Variants in MGAT4C observed in about 807,000 individuals in gnomAD.
The protein encoded by MGAT4C is alpha-1,3-mannosyl-glycoprotein 4-beta-N-acetylglucosaminyltransferase C.
MGAT4C carries 19 observed loss-of-function variants against 40.1 expected under a neutral mutation model. The ratio of observed to expected loss-of-function variants is 0.47; its 90% confidence interval spans 0.33 to 0.70. The LOEUF (loss-of-function observed/expected upper bound fraction) is 0.70, where lower values mean the gene tolerates loss of function less well. Among genes scored for constraint, MGAT4C ranks in the 30% least tolerant of loss-of-function variants. The pLI is 0.02. For synonymous variants in MGAT4C, 181 were observed against 187.1 expected, an observed-to-expected ratio of 0.97 and a Z score of 0.27; for missense variants, 491 against 563.2, an observed-to-expected ratio of 0.87 and a Z score of 1.30.
intron 2 of MGAT4C, among the ~76,000 whole-genome samples, chr12:86,491,568 A>C (rs558540570): frequency 1.6e-3 from 238 of 152,274 alleles, no homozygotes; most frequent in African/African-American, 5.2e-3. Context: ...CAATAGATGC[A>C]GAACAGGCCT....
chr12:86,520,202 C>G (rs975342383), intron 2 of MGAT4C, among the ~76,000 whole-genome samples: 20 of 151,954 alleles, frequency 1.3e-4, no homozygotes, highest in Admixed American at 1.2e-3. Flanking sequence ...TTATTTTTTC[C>G]TGATCCTCTC....
intron 2 of MGAT4C, among the ~76,000 whole-genome samples, chr12:86,635,957 C>T (rs2136512868): frequency 6.6e-6 from 1 of 151,968 alleles, no homozygotes; most frequent in East Asian, 1.9e-4. Flanking sequence ...GCTGAGATTA[C>T]AGGAGTGAGC....
At chr12:86,626,910 T>C (rs1308024249) in intron 2 of MGAT4C, among the ~76,000 whole-genome samples, 1 of 152,126 alleles carries the variant, frequency 6.6e-6, no homozygotes, top group African/African-American at 2.4e-5. Flanking sequence ...CAAAGCAGGG[T>C]GGGTCATCAC....
At chr12:86,222,472 G>C (rs1014423754) in intron 1 of MGAT4C, among the ~76,000 whole-genome samples, 8 of 151,974 alleles carry the variant, frequency 5.3e-5, no homozygotes, top group Non-Finnish European at 7.4e-5. Context: ...TCTCTTATTG[G>C]CATATTGTTT....
At chr12:86,621,402 T>C (rs1962632539) in intron 2 of MGAT4C, among the ~76,000 whole-genome samples, 1 of 152,270 alleles carries the variant, frequency 6.6e-6, no homozygotes, top group Admixed American at 6.5e-5. Context: ...ACTCTATGAG[T>C]GACCACAACT....
chr12:86,489,610 T>C (rs577346770), intron 2 of MGAT4C, among the ~76,000 whole-genome samples: 1 of 152,350 alleles, frequency 6.6e-6, no homozygotes, highest in South Asian at 2.1e-4. Flanking sequence ...TGGATGCTAC[T>C]GTGGGACATG....
At chr12:86,076,936 A>G (rs1198791135) in intron 1 of MGAT4C, among the ~76,000 whole-genome samples, 1 of 152,196 alleles carries the variant, frequency 6.6e-6, no homozygotes, top group Non-Finnish European at 1.5e-5. Context: ...CAATGTTCTA[A>G]GGCAGGAAGC....
intron 1 of MGAT4C, among the ~76,000 whole-genome samples, chr12:86,084,936 G>A (rs1871472943): frequency 1.3e-5 from 2 of 152,074 alleles, no homozygotes; most frequent in Admixed American, 6.6e-5. Context: ...TCACAGTAAC[G>A]AAAATAGTAA....
intron 3 of MGAT4C, among the ~76,000 whole-genome samples, chr12:86,351,908 T>C (rs571970762): frequency 2.2e-4 from 33 of 152,056 alleles, no homozygotes; most frequent in Non-Finnish European, 4.6e-4. Context: ...TAACACAGTT[T>C]AATGTATGAA....
chr12:86,730,916 C>T (rs1306637161), intron 1 of MGAT4C, among the ~76,000 whole-genome samples: 1 of 152,086 alleles, frequency 6.6e-6, no homozygotes, highest in Non-Finnish European at 1.5e-5. Flanking sequence ...TTTATTTAAT[C>T]CTCCACAGCA....
At chr12:86,577,770 TTC>T (rs1311339970) in intron 2 of MGAT4C, among the ~76,000 whole-genome samples, 2 of 151,856 alleles carry the variant, frequency 1.3e-5, no homozygotes, top group Non-Finnish European at 2.9e-5. Context: ...GTCATTTTAT[TTC>T]TTTTTGGGGA....
intron 1 of MGAT4C, among the ~76,000 whole-genome samples, chr12:86,107,251 T>G (rs998258253): frequency 1.3e-5 from 2 of 152,148 alleles, no homozygotes; most frequent in African/African-American, 4.8e-5. Flanking sequence ...TCAAATATAT[T>G]TTAAAATCAA....
intron 1 of MGAT4C, among the ~76,000 whole-genome samples, chr12:86,768,096 A>G (rs1951550401): frequency 6.6e-6 from 1 of 152,208 alleles, no homozygotes; most frequent in African/African-American, 2.4e-5. Context: ...TGCAGATGAC[A>G]TGATTGTATA....
intron 1 of MGAT4C, among the ~76,000 whole-genome samples, chr12:86,792,118 T>C (rs1952032702): frequency 6.6e-6 from 1 of 152,188 alleles, no homozygotes; most frequent in South Asian, 2.1e-4. Context: ...TAAGGCAGTA[T>C]TTTCTTACAG....
intron 1 of MGAT4C, among the ~76,000 whole-genome samples, chr12:86,729,164 G>C (rs1950870134): frequency 6.6e-6 from 1 of 152,126 alleles, no homozygotes; most frequent in Non-Finnish European, 1.5e-5. Flanking sequence ...CACAGGGTAA[G>C]TATAGTCAAA....
At chr12:86,414,488 G>A (rs1315913613) in intron 3 of MGAT4C, among the ~76,000 whole-genome samples, 2 of 151,984 alleles carry the variant, frequency 1.3e-5, no homozygotes, top group African/African-American at 2.4e-5. Flanking sequence ...GGCACATATT[G>A]GTTACTTTTT....
chr12:86,555,733 C>A (rs1404180084), intron 2 of MGAT4C, among the ~76,000 whole-genome samples: 1 of 152,194 alleles, frequency 6.6e-6, no homozygotes, highest in African/African-American at 2.4e-5. Flanking sequence ...GCAGAGCGCC[C>A]TTTTGACCCC....
Position 86,452,095 on chromosome 12 carries a change from T to C in MGAT4C, c.-228-16830A>G, listed in dbSNP as rs77153182. The stretch of plus-strand genomic sequence containing the variant: ...CTCGTGGGCAAATCACCTGATTCAG[T>C]TGAGGCTGACCTGTTTCTTGTTTGT... On this transcript the variant is annotated intron_variant, in intron 2 of 7. Coordinates refer to the MGAT4C transcript ENST00000548651. 6.7e-3 allele frequency among the ~76,000 whole-genome samples: 1,019 copies of C among 152,210 alleles called. 11 individuals carry two copies. The highest frequency in any genetic ancestry group is 0.023 in the African/African-American group (972 of 41,554).
At chr12:86,723,271 T>C (rs192480772) in intron 2 of MGAT4C, among the ~76,000 whole-genome samples, 2 of 152,324 alleles carry the variant, frequency 1.3e-5, no homozygotes, top group East Asian at 1.9e-4. Flanking sequence ...GTTATGGAAA[T>C]AAAATGTCTA....
Sources: gnomAD v4.1 joint callset for allele counts (sites outside exome capture counted in the v4.1 genomes callset) on GRCh38, gnomAD v4.1.1 for gene constraint, MANE v1.5 for transcripts, NCBI Gene and HGNC (gene_info 2026-07-23, HGNC 2026-07-21) for gene names.